FBXO40: variants seen among roughly 807,000 people sequenced by gnomAD.
The protein encoded by FBXO40 is F-box only protein 40.
In FBXO40, 50 loss-of-function variants were observed where a neutral mutation model predicts 49.9. The observed-to-expected ratio is 1.00, with a 90% confidence interval of 0.80 to 1.27. The LOEUF is 1.27. Ranked by LOEUF, FBXO40 falls within the 50% of genes most tolerant of loss-of-function variation. The pLI, the probability that FBXO40 is intolerant of heterozygous loss-of-function variation, is 0.00. For missense variants in FBXO40, 895 were observed against 870.1 expected (o/e 1.03, Z -0.36); for synonymous variants, 340 against 320.2 (o/e 1.06, Z -0.66).
intron 1 of FBXO40, among the ~76,000 whole-genome samples, chr3:121,612,635 T>G (rs2048972458): frequency 6.6e-6 from 1 of 152,164 alleles, no homozygotes; most frequent in Non-Finnish European, 1.5e-5. Context: ...TAGGAAGGCC[T>G]GCACATAGAG....
rs776157741 is a variant in FBXO40 at position 121,622,332 on chromosome 3, T to G, written c.903T>G (p.Ala301=). 1.5e-5 allele frequency: 24 copies of G among 1,614,074 alleles called. 1 individual carries two copies. In the South Asian group the frequency reaches 2.1e-4, roughly 14 times the overall value. The part of the protein sequence containing the change: ...QDGVLERLKT[A]VDAKDYNMYL... ...GTGTTCTGGAAAGACTGAAAACAGC[T>G]GTGGATGCAAAGGACTATAACATGT... The change falls in exon 3 of 4, where the codon GCT becomes GCG. Residue 301 remains alanine, a synonymous_variant. Transcript: ENST00000338040.
At position 121,622,834 on chromosome 3, in the gene FBXO40, A is replaced by G; in HGVS notation, c.1405A>G (p.Asn469Asp). 1 of 1,614,198 alleles carries G rather than the reference A, an allele frequency of 6.2e-7. No individual in the cohort carries two copies. Among genetic ancestry groups the G allele is most frequent in the African/African-American group, 1.3e-5 (1 of 75,054 alleles). ...CAGCGAGTGTGTGACCAGGAGACAC[A>G]ACAAAAGCAGCTCTGCCTTCACTTT... is the stretch of plus-strand genomic sequence containing the variant. Reference protein sequence around the residue: ...LHSECVTRRHNKSSSAFTFTC... With the variant: ...LHSECVTRRHDKSSSAFTFTC... Residue 469 changes from asparagine (N) to aspartate (D), a missense_variant, in exon 3 of 4, where the codon AAC becomes GAC. Physicochemically the swap from Asn to Asp is conservative, Grantham distance 23 (BLOSUM62 1). Transcript: ENST00000338040.
intron 1 of FBXO40, among the ~76,000 whole-genome samples, chr3:121,609,269 G>A (rs933157703): frequency 1.1e-4 from 17 of 151,984 alleles, no homozygotes; most frequent in Admixed American, 2.6e-4. Flanking sequence ...CAAAATATTT[G>A]ACTTTCTGAG....
chr3:121,600,926 A>T (rs1369277387), intron 1 of FBXO40, among the ~76,000 whole-genome samples: 1 of 152,260 alleles, frequency 6.6e-6, no homozygotes, highest in Non-Finnish European at 1.5e-5. Context: ...TACTGGGCAC[A>T]GGAACAGAGA....
rs1408233127 is a variant in FBXO40, at chr3:121,623,022, G to A, written c.1593G>A (p.Lys531=). ...ACCATTTCCGTCCCCCAGGGCAAAA[G>A]GCAAAAGTAATCTATAGCCAGGAGC... ...VQNHFRPPGQ[K]AKVIYSQELK... Residue 531 remains lysine (K), a synonymous_variant, in exon 3 of 4, where the codon AAG becomes AAA. Coordinates refer to ENST00000338040, the MANE Select transcript of FBXO40 (RefSeq NM_016298.4). 6.2e-7 allele frequency: 1 copy of A among 1,614,182 alleles called. No individual in the cohort carries two copies. Among genetic ancestry groups the A allele is most frequent in the Admixed American group, 1.7e-5 (1 of 60,026 alleles).
intron 3 of FBXO40, among the ~76,000 whole-genome samples, chr3:121,625,178 T>A (rs1432560058): frequency 6.6e-6 from 1 of 152,234 alleles, no homozygotes; most frequent in Non-Finnish European, 1.5e-5. Context: ...AACTGTATTA[T>A]AATTTCTACC....
At chr3:121,617,982 G>T (rs1039882833) in intron 1 of FBXO40, among the ~76,000 whole-genome samples, 1 of 152,186 alleles carries the variant, frequency 6.6e-6, no homozygotes, top group Non-Finnish European at 1.5e-5. Flanking sequence ...CTGGGCAACA[G>T]AGCAAGGCTC....
intron 1 of FBXO40, among the ~76,000 whole-genome samples, chr3:121,596,017 C>G (rs1259250635): frequency 1.3e-5 from 2 of 152,138 alleles, no homozygotes; most frequent in Non-Finnish European, 2.9e-5. Flanking sequence ...TGACATCAAC[C>G]CTGTTTGCCT....
chr3:121,617,248 T>C (rs1361007092), intron 1 of FBXO40, among the ~76,000 whole-genome samples: 1 of 152,178 alleles, frequency 6.6e-6, no homozygotes, highest in Non-Finnish European at 1.5e-5. Context: ...TCTGTATGCA[T>C]ATAAGAAAAT....
intron 1 of FBXO40, among the ~76,000 whole-genome samples, chr3:121,597,226 A>C (rs1259138419): frequency 6.6e-6 from 1 of 152,166 alleles, no homozygotes; most frequent in Non-Finnish European, 1.5e-5. Flanking sequence ...GATGAGCAAA[A>C]AAATTTACAA....
At chr3:121,612,536 T>G (rs915137252) in intron 1 of FBXO40, among the ~76,000 whole-genome samples, 5 of 152,166 alleles carry the variant, frequency 3.3e-5, no homozygotes, top group African/African-American at 1.2e-4. Flanking sequence ...CTTGCATAAG[T>G]GGTCATGAAT....
intron 1 of FBXO40, among the ~76,000 whole-genome samples, chr3:121,597,593 C>T (rs1210685193): frequency 1.3e-5 from 2 of 150,218 alleles, no homozygotes; most frequent in African/African-American, 4.9e-5. Context: ...AGTGACTCAT[C>T]TATTACACAC....
intron 1 of FBXO40, among the ~76,000 whole-genome samples, chr3:121,601,739 C>T (rs953001296): frequency 6.6e-6 from 1 of 152,228 alleles, no homozygotes; most frequent in Non-Finnish European, 1.5e-5. Context: ...TTAGACTTTC[C>T]TGGAGCTGGT....
chr3:121,595,162 G>A (rs191894709), intron 1 of FBXO40, among the ~76,000 whole-genome samples: 72 of 152,280 alleles, frequency 4.7e-4, no homozygotes, highest in African/African-American at 1.7e-3. Context: ...GTTCCTTCCT[G>A]CCTGTCTCTG....
rs1213244536 is a variant in FBXO40 at position 121,605,154 on chromosome 3, C to T, written c.-31+11652C>T. On this transcript the variant is annotated intron_variant, in intron 1 of 3. Transcript: ENST00000338040. ...CACCTGGATAATTGGCCAGGCTGGTCTCAAATTCCTGACCTCAAGTGATTC... is the reference window on the plus strand; with the variant it reads ...CACCTGGATAATTGGCCAGGCTGGTTTCAAATTCCTGACCTCAAGTGATTC... Among the ~76,000 whole-genome samples the T allele has an allele frequency of 3.3e-5, 5 of 152,086 alleles. No homozygotes were observed. In the East Asian group the frequency reaches 9.7e-4, roughly 29 times the overall value.
At position 121,611,854 on chromosome 3, in the gene FBXO40, C is replaced by T. The variant is rs538790696; in HGVS notation, c.-30-8692C>T. 2.0e-4 allele frequency among the ~76,000 whole-genome samples: 30 copies of T among 152,362 alleles called. No individual in the cohort carries two copies. The East Asian group carries it at 5.8e-3, about 29-fold the overall frequency. On this transcript the variant is annotated intron_variant, in intron 1 of 3. Transcript: ENST00000338040. ...ATGGCGATGACCTTTACCAAGTATA[C>T]TGCTTGTAAACATTTTGTTAACAAG... is the stretch of plus-strand genomic sequence containing the variant.
At chr3:121,594,132 C>T (rs543333693) in intron 1 of FBXO40, among the ~76,000 whole-genome samples, 3 of 150,400 alleles carry the variant, frequency 2.0e-5, no homozygotes, top group Non-Finnish European at 4.4e-5. Context: ...CCTCCAAAAG[C>T]GCTGGGATTA....
intron 1 of FBXO40, among the ~76,000 whole-genome samples, chr3:121,604,908 C>T (rs1245749520): frequency 6.6e-6 from 1 of 151,966 alleles, no homozygotes; most frequent in East Asian, 1.9e-4. Flanking sequence ...GGCCCACATA[C>T]TGGTTATGTG....
intron 1 of FBXO40, among the ~76,000 whole-genome samples, chr3:121,596,907 T>C (rs1480910589): frequency 6.6e-6 from 1 of 152,224 alleles, no homozygotes; most frequent in African/African-American, 2.4e-5. Context: ...TTCAATCCTA[T>C]TCAATGTTCT....
Sources: gnomAD v4.1 joint callset for allele counts (sites outside exome capture counted in the v4.1 genomes callset) on GRCh38, gnomAD v4.1.1 for gene constraint, MANE v1.5 for transcripts, NCBI Gene and HGNC (gene_info 2026-07-23, HGNC 2026-07-21) for gene names.